ONECUT2: variants seen among roughly 807,000 people sequenced by gnomAD.
ONECUT2 encodes the protein one cut domain family member 2.
In ONECUT2, 10 loss-of-function variants were observed where a neutral mutation model predicts 27.9. The observed-to-expected ratio is 0.36, with a 90% confidence interval of 0.22 to 0.61. The LOEUF (loss-of-function observed/expected upper bound fraction) is 0.61. Among genes scored for constraint, ONECUT2 ranks in the 20% least tolerant of loss-of-function variants. The pLI, the probability that ONECUT2 is intolerant of heterozygous loss-of-function variation, is 0.73. For missense variants in ONECUT2, 686 were observed against 721.0 expected (o/e 0.95, Z 0.56); for synonymous variants, 334 against 315.1 (o/e 1.06, Z -0.64).
chr18:57,476,578 T>C lies in ONECUT2; in HGVS notation c.1370T>C (p.Ile457Thr). The C allele has an allele frequency of 6.2e-7, 1 of 1,614,204 alleles. No homozygotes were observed. Among genetic ancestry groups the C allele is most frequent in the Non-Finnish European group, 8.5e-7 (1 of 1,180,048 alleles). ...AAACGCCCGTCAAAGGAGATGCAGA[T>C]CACCATTTCCCAGCAGCTGGGCCTG... ...ENKRPSKEMQ[I>T]TISQQLGLEL... The change falls in exon 2 of 2, where the codon ATC (isoleucine) becomes ACC (threonine). Residue 457 changes from isoleucine to threonine, a missense_variant. Around this residue, in one of 4 missense-constraint regions of ONECUT2, gnomAD observed 77 missense variants for 105.5 expected, o/e 0.73. Transcript: ENST00000491143.
chr18:57,486,678 C>T lies in ONECUT2; in HGVS notation c.*9955C>T, dbSNP rs2122168178. ...TTTGTAATAGATGAAAAAAGGTGCGCTTAAAAAGAAAATGTATGTTTTTTT... is the reference window on the plus strand; with the variant it reads ...TTTGTAATAGATGAAAAAAGGTGCGTTTAAAAAGAAAATGTATGTTTTTTT... On this transcript the variant is annotated 3_prime_UTR_variant, in exon 2 of 2. Transcript: ENST00000491143. 1 of 152,670 alleles carries T rather than the reference C, an allele frequency of 6.6e-6. No individual in the cohort carries two copies. Among genetic ancestry groups the T allele is most frequent in the South Asian group, 2.1e-4 (1 of 4,822 alleles). 9.5% of individuals were successfully genotyped at this position (152,670 alleles called of 1,614,324 possible).
chr18:57,435,794 G>A lies in ONECUT2; in HGVS notation c.78G>A (p.Met26Ile), dbSNP rs753998895. ...EGCAMNPELT[M>I]ESLGTLHGPA... is the part of the protein sequence containing the mutation. ...GCGCCATGAACCCGGAGCTGACAATGGAAAGTCTGGGCACTTTGCACGGGC... is the reference window on the plus strand; with the variant it reads ...GCGCCATGAACCCGGAGCTGACAATAGAAAGTCTGGGCACTTTGCACGGGC... The change falls in exon 1 of 2, where the codon ATG becomes ATA. Residue 26 changes from methionine to isoleucine, a missense_variant. By Grantham distance (10) the Met-to-Ile change is conservative. This residue lies in a region of ONECUT2 where 511 missense variants were observed against 488.1 expected (regional missense o/e 1.05). Transcript: ENST00000491143. The A allele has an allele frequency of 8.0e-7, 1 of 1,257,370 alleles. No homozygotes were observed. Among genetic ancestry groups the A allele is most frequent in the Non-Finnish European group, 1.0e-6 (1 of 966,624 alleles). 77.9% of individuals were successfully genotyped at this position (1,257,370 alleles called of 1,614,324 possible). A position where few individuals can be genotyped will look rare whatever the true frequency, so the allele number is the denominator to read the frequency against.
intron 1 of ONECUT2, among the ~76,000 whole-genome samples, chr18:57,437,741 G>A (rs1354460882): frequency 6.6e-6 from 1 of 152,264 alleles, no homozygotes; most frequent in African/African-American, 2.4e-5. Flanking sequence ...GCTTTGCCTT[G>A]CTCACCGGCC....
In ONECUT2 at chr18:57,480,128, C is replaced by T. The variant is rs2050408323; in HGVS notation, c.*3405C>T. 2 of 152,148 alleles carry T rather than the reference C, an allele frequency of 1.3e-5. No individual in the cohort carries two copies. The highest frequency in any genetic ancestry group is 2.4e-5 in the African/African-American group (1 of 41,396). The allele number at this position is 152,148 out of a possible 1,614,324, so 9.4% of individuals were successfully genotyped here. A position where few individuals can be genotyped will look rare whatever the true frequency, so the allele number is the denominator to read the frequency against. Reference sequence around the variant, plus strand: ...TTCTTTGTGCCCCCTCCTCATTCCCCCTATGTGGGTCTCCCTATGCAGGAG... The same window carrying T: ...TTCTTTGTGCCCCCTCCTCATTCCCTCTATGTGGGTCTCCCTATGCAGGAG... On this transcript the variant is annotated 3_prime_UTR_variant, in exon 2 of 2. Coordinates refer to ENST00000491143, the MANE Select transcript of ONECUT2 (RefSeq NM_004852.3).
rs1189650066 is a variant in ONECUT2, at chr18:57,476,433, C to T, written c.1229-4C>T. ...CTCCTCTCCTTCTTCTCTTTCCCTT[C>T]AAGCGTGCAAACGCAAAGAGCAAGA... On this transcript the variant is annotated splice_region_variant and splice_polypyrimidine_tract_variant and intron_variant, in intron 1 of 1. Coordinates refer to ENST00000491143, the MANE Select transcript of ONECUT2 (RefSeq NM_004852.3). The T allele has an allele frequency of 1.2e-6, 2 of 1,613,150 alleles. No individual in the cohort carries two copies. The highest frequency in any genetic ancestry group is 1.7e-5 in the Admixed American group (1 of 59,940).
chr18:57,440,216 CA>C (rs762945208), intron 1 of ONECUT2, among the ~76,000 whole-genome samples: 26 of 152,340 alleles, frequency 1.7e-4, no homozygotes, highest in Non-Finnish European at 2.2e-4. Flanking sequence ...CGGTTTTCAG[CA>C]ACCTGACAAG....
chr18:57,447,580 A>G (rs2050207710), intron 1 of ONECUT2, among the ~76,000 whole-genome samples: 1 of 151,944 alleles, frequency 6.6e-6, no homozygotes, highest in Admixed American at 6.5e-5. Context: ...GGATTGAACT[A>G]TTTTTCTCCA....
rs1161754580 is a variant in ONECUT2 at position 57,436,484 on chromosome 18, A to G, written c.768A>G (p.Lys256=). ...LPNYGPPGHD[K]MLSPNFDAHH... is the part of the protein sequence containing the mutation. Reference sequence around the variant, plus strand: ...ACTACGGTCCGCCGGGCCACGACAAAATGCTCAGCCCCAACTTCGACGCGC... The same window carrying G: ...ACTACGGTCCGCCGGGCCACGACAAGATGCTCAGCCCCAACTTCGACGCGC... Residue 256 remains lysine, a synonymous_variant, in exon 1 of 2, where the codon AAA becomes AAG. Coordinates refer to ENST00000491143, the MANE Select transcript of ONECUT2 (RefSeq NM_004852.3). The surrounding 1 kb of genome is among the most constrained non-coding windows in gnomAD (Gnocchi z 5.9). 1.2e-6 allele frequency: 2 copies of G among 1,613,266 alleles called. No homozygotes were observed. Among genetic ancestry groups the G allele is most frequent in the South Asian group, 1.1e-5 (1 of 91,052 alleles).
intron 1 of ONECUT2, among the ~76,000 whole-genome samples, chr18:57,449,545 C>G (rs549997921): frequency 2.6e-5 from 4 of 152,192 alleles, no homozygotes; most frequent in Non-Finnish European, 4.4e-5. Flanking sequence ...AGGATTGAGT[C>G]TTATCCAAAT....
At chr18:57,456,106 G>A (rs1356099076) in intron 1 of ONECUT2, among the ~76,000 whole-genome samples, 3 of 152,208 alleles carry the variant, frequency 2.0e-5, no homozygotes, top group Admixed American at 6.5e-5. Flanking sequence ...GCAAGGATGT[G>A]GAAAAATTGG....
intron 1 of ONECUT2, among the ~76,000 whole-genome samples, chr18:57,465,451 A>G (rs920798967): frequency 3.9e-5 from 6 of 152,218 alleles, no homozygotes; most frequent in African/African-American, 1.4e-4. Context: ...GGCATGAGCC[A>G]CCTCATCCAG....
At chr18:57,472,034 C>A (rs765145674) in intron 1 of ONECUT2, among the ~76,000 whole-genome samples, 39 of 152,216 alleles carry the variant, frequency 2.6e-4, no homozygotes, top group Admixed American at 5.2e-4. Flanking sequence ...CAGGGCTGGG[C>A]TAACCTTGCA....
chr18:57,452,146 A>C (rs1194522470), intron 1 of ONECUT2, among the ~76,000 whole-genome samples: 1 of 152,134 alleles, frequency 6.6e-6, no homozygotes, highest in Non-Finnish European at 1.5e-5. Flanking sequence ...ATAAGTAACA[A>C]ACCTATGCCC....
In ONECUT2 at chr18:57,459,069, T is replaced by G. The variant is rs74620092; in HGVS notation, c.1229-17368T>G. Among the ~76,000 whole-genome samples the G allele has an allele frequency of 5.1e-4, 77 of 152,326 alleles. No individual in the cohort carries two copies. In the East Asian group the frequency reaches 9.4e-3, roughly 19 times the overall value. On this transcript the variant is annotated intron_variant, in intron 1 of 1. Coordinates refer to ENST00000491143, the MANE Select transcript of ONECUT2 (RefSeq NM_004852.3). ...TTGTTTGGCATTGTTTTTTATATATTCTGGATGCAAATTTTTGCTTTACAA... is the reference window on the plus strand; with the variant it reads ...TTGTTTGGCATTGTTTTTTATATATGCTGGATGCAAATTTTTGCTTTACAA...
At chr18:57,466,163 G>C (rs1444550009) in intron 1 of ONECUT2, among the ~76,000 whole-genome samples, 1 of 152,174 alleles carries the variant, frequency 6.6e-6, no homozygotes, top group Admixed American at 6.5e-5. Flanking sequence ...AGGTGGAAGG[G>C]AGTGGGGAGT....
intron 1 of ONECUT2, among the ~76,000 whole-genome samples, chr18:57,439,001 TA>T (rs1370502672): frequency 6.6e-6 from 1 of 152,152 alleles, no homozygotes; most frequent in Non-Finnish European, 1.5e-5. Flanking sequence ...CAGCTGGTCT[TA>T]GGGGTACAGT....
Position 57,436,767 on chromosome 18 carries a change from A to AT in ONECUT2, c.1052dup (p.Gln353ProfsTer28). 6.2e-7 allele frequency: 1 copy of AT among 1,614,012 alleles called. No homozygotes were observed. The highest frequency in any genetic ancestry group is 8.5e-7 in the Non-Finnish European group (1 of 1,180,036). On this transcript the variant is annotated frameshift_variant, in exon 1 of 2. Coordinates refer to ENST00000491143, the MANE Select transcript of ONECUT2 (RefSeq NM_004852.3). LOFTEE classifies it high-confidence loss of function. This position sits in a 1 kb window ranked among gnomAD's most constrained non-coding sequence, Gnocchi z 5.9. Reference sequence around the variant, plus strand: ...CACAGCGGAGCTGAAGCGCTACAGTATCCCCCAGGCGATCTTTGCGCAGAG... The same window carrying AT: ...CACAGCGGAGCTGAAGCGCTACAGTATTCCCCCAGGCGATCTTTGCGCAGAG...
intron 1 of ONECUT2, chr18:57,467,054 T>C (rs1050623392): frequency 2.5e-6 from 1 of 400,200 alleles, no homozygotes; most frequent in Non-Finnish European, 5.0e-6. Flanking sequence ...TGCCTCCATA[T>C]AAGAAAGTCG....
At chr18:57,448,894 G>A (rs1215783575) in intron 1 of ONECUT2, among the ~76,000 whole-genome samples, 1 of 152,200 alleles carries the variant, frequency 6.6e-6, no homozygotes, top group African/African-American at 2.4e-5. Flanking sequence ...TTCTGAATCA[G>A]TGCCATAGAT....
Sources: allele counts gnomAD v4.1 joint callset (sites outside exome capture counted in the v4.1 genomes callset), GRCh38; gene constraint gnomAD v4.1.1; regional missense constraint gnomAD v4.1.1; non-coding constraint Gnocchi (gnomAD v3.1); transcripts MANE v1.5; gene names NCBI Gene and HGNC (gene_info 2026-07-23, HGNC 2026-07-21).